Variants in FSTL4 observed in about 807,000 individuals in gnomAD.
FSTL4 encodes the protein follistatin like 4, also known as follistatin-related protein 4.
Under a neutral mutation model 78.2 loss-of-function variants are expected in FSTL4, and 28 were observed. The ratio of observed to expected loss-of-function variants is 0.36; its 90% CI spans 0.27 to 0.49. FSTL4 has a LOEUF of 0.49. Ranked by LOEUF, FSTL4 falls within the 20% of genes least tolerant of loss-of-function variation. The probability of loss-of-function intolerance (pLI) is 0.98; values close to 1 mark genes in which losing one functional copy is unlikely to be tolerated. For synonymous variants in FSTL4, 422 were observed against 440.5 expected (o/e 0.96, Z 0.53); for missense variants, 922 against 1,084.9 (o/e 0.85, Z 2.11).
At chr5:133,507,547 T>C (rs942663850) in intron 3 of FSTL4, among the ~76,000 whole-genome samples, 13 of 149,196 alleles carry the variant, frequency 8.7e-5, no homozygotes, top group Non-Finnish European at 1.3e-4. Flanking sequence ...TTTTTGATAC[T>C]GAGTCTCGCT....
intron 10 of FSTL4, among the ~76,000 whole-genome samples, chr5:133,224,841 T>C (rs1022846808): frequency 6.6e-6 from 1 of 152,218 alleles, no homozygotes; most frequent in Non-Finnish European, 1.5e-5. Context: ...AGGGCAGAGG[T>C]TCAGGGCATA....
the FSTL4 span, among the ~76,000 whole-genome samples, chr5:133,822,644 G>T: frequency 6.6e-6 from 1 of 152,146 alleles, no homozygotes; most frequent in Non-Finnish European, 1.5e-5. Context: ...TTCCGGGGGC[G>T]TCATGGAAAG....
At chr5:133,494,555 T>G (rs1464769698) in intron 3 of FSTL4, among the ~76,000 whole-genome samples, 1 of 152,228 alleles carries the variant, frequency 6.6e-6, no homozygotes, top group African/African-American at 2.4e-5. Flanking sequence ...CACCACAGAA[T>G]ACACTGAGAG....
At chr5:133,820,434 C>T in the FSTL4 span, among the ~76,000 whole-genome samples, 1 of 152,200 alleles carries the variant, frequency 6.6e-6, no homozygotes, top group Non-Finnish European at 1.5e-5. Flanking sequence ...TGTTTTTCTT[C>T]CCTTTGGGAG....
At chr5:133,605,628 C>A (rs1019613661) in intron 1 of FSTL4, among the ~76,000 whole-genome samples, 2 of 152,184 alleles carry the variant, frequency 1.3e-5, no homozygotes, top group African/African-American at 4.8e-5. Context: ...GACAGAAATG[C>A]CCACAGGGAG....
intron 2 of FSTL4, chr5:133,583,323 G>C (rs949247683): frequency 3.7e-6 from 1 of 267,290 alleles, no homozygotes; most frequent in Non-Finnish European, 7.7e-6. Flanking sequence ...GAACAGCTCC[G>C]GTCTACAGCT....
chr5:133,301,794 G>T (rs1581603917), intron 6 of FSTL4, among the ~76,000 whole-genome samples: 1 of 152,178 alleles, frequency 6.6e-6, no homozygotes, highest in Admixed American at 6.5e-5. Flanking sequence ...AGATCTAGAT[G>T]GGGAGTGGGG....
At chr5:133,323,785 C>T (rs574481387) in intron 4 of FSTL4, among the ~76,000 whole-genome samples, 3 of 152,334 alleles carry the variant, frequency 2.0e-5, no homozygotes, top group East Asian at 1.9e-4. Context: ...ATCAGCTTGC[C>T]GAGGAGCCCA....
At chr5:133,624,321 T>C in the FSTL4 span, among the ~76,000 whole-genome samples, 1 of 151,892 alleles carries the variant, frequency 6.6e-6, no homozygotes, top group Non-Finnish European at 1.5e-5. Context: ...CTCAAAAACA[T>C]GTTAAGTGAA....
At chr5:133,222,466 G>A (rs946367021) in intron 11 of FSTL4, among the ~76,000 whole-genome samples, 7 of 152,098 alleles carry the variant, frequency 4.6e-5, no homozygotes, top group Non-Finnish European at 1.0e-4. Flanking sequence ...CTGCTTCCAC[G>A]CAAACCTAGG....
At chr5:133,210,643 C>T (rs1359147194) in intron 13 of FSTL4, among the ~76,000 whole-genome samples, 1 of 152,014 alleles carries the variant, frequency 6.6e-6, no homozygotes, top group Non-Finnish European at 1.5e-5. Flanking sequence ...CAGGCATACA[C>T]ACCACGCCCT....
At chr5:133,699,936 G>A in the FSTL4 span, among the ~76,000 whole-genome samples, 1 of 149,330 alleles carries the variant, frequency 6.7e-6, no homozygotes, top group Non-Finnish European at 1.5e-5. Flanking sequence ...CATTCTTCCA[G>A]GTCTGCAGGT....
At chr5:133,664,273 C>G in the FSTL4 span, among the ~76,000 whole-genome samples, 10 of 152,094 alleles carry the variant, frequency 6.6e-5, no homozygotes, top group African/African-American at 2.2e-4. Context: ...GCGGCAGACC[C>G]TGATCTGGAA....
upstream of FSTL4, among the ~76,000 whole-genome samples, chr5:133,617,388 A>G (rs1761219625): frequency 6.6e-6 from 1 of 151,694 alleles, no homozygotes; most frequent in Admixed American, 6.6e-5. Flanking sequence ...TGTCAGACTC[A>G]AGACCTGGGG....
intron 3 of FSTL4, among the ~76,000 whole-genome samples, chr5:133,437,920 TTTATTA>T (rs1309075626): frequency 1.3e-5 from 2 of 152,100 alleles, no homozygotes; most frequent in Admixed American, 6.6e-5. Flanking sequence ...TCCTTTTCCT[TTTATTA>T]TTATTATTGT....
chr5:133,259,861 C>T (rs1321075848), intron 6 of FSTL4, among the ~76,000 whole-genome samples: 2 of 152,088 alleles, frequency 1.3e-5, no homozygotes, highest in East Asian at 3.9e-4. Flanking sequence ...GATCCTCTTG[C>T]ATAATACGGT....
chr5:133,654,638 T>C, the FSTL4 span, among the ~76,000 whole-genome samples: 3 of 152,188 alleles, frequency 2.0e-5, no homozygotes, highest in Non-Finnish European at 4.4e-5. Context: ...CTGATGATGC[T>C]GGTCATGTGG....
At chr5:133,388,930 G>T (rs2126959287) in intron 4 of FSTL4, among the ~76,000 whole-genome samples, 1 of 152,018 alleles carries the variant, frequency 6.6e-6, no homozygotes, top group South Asian at 2.1e-4. Context: ...TATGATTTCT[G>T]TATGGTTAAT....
chr5:133,674,937 G>A, the FSTL4 span, among the ~76,000 whole-genome samples: 43 of 152,224 alleles, frequency 2.8e-4, no homozygotes, highest in African/African-American at 9.4e-4. Flanking sequence ...TGTTTCAGGC[G>A]CTAATTTAGG....
Sources: allele counts gnomAD v4.1 joint callset (sites outside exome capture counted in the v4.1 genomes callset), GRCh38; gene constraint gnomAD v4.1.1; transcripts MANE v1.5; gene names NCBI Gene and HGNC (gene_info 2026-07-23, HGNC 2026-07-21).